Variants in AKT3 observed in about 807,000 individuals in gnomAD.
The protein encoded by AKT3 is RAC-gamma serine/threonine-protein kinase.
A neutral mutation model predicts 65.3 loss-of-function variants in AKT3; 15 were observed. That is an observed-to-expected ratio of 0.23 (90% CI 0.15 to 0.35). The LOEUF is 0.35. AKT3 is among the 10% of genes least tolerant of loss of function. AKT3 has a pLI of 1.00. For missense variants in AKT3, 243 were observed against 576.5 expected, an observed-to-expected ratio of 0.42 and a Z score of 5.92; for synonymous variants, 206 against 183.8, an observed-to-expected ratio of 1.12 and a Z score of -0.98.
At chr1:243,691,508 G>T (rs1012095321) in intron 3 of AKT3, among the ~76,000 whole-genome samples, 1 of 152,114 alleles carries the variant, frequency 6.6e-6, no homozygotes, top group Non-Finnish European at 1.5e-5. Context: ...CAGCAGATAT[G>T]ATGAGGCCTC....
intron 3 of AKT3, among the ~76,000 whole-genome samples, chr1:243,681,246 CAT>C (rs752529178): frequency 2.0e-4 from 31 of 152,088 alleles, no homozygotes; most frequent in African/African-American, 6.0e-4. Flanking sequence ...TATGTATGTA[CAT>C]ATATATATGT....
chr1:243,555,431 C>T (rs907221077), intron 10 of AKT3, among the ~76,000 whole-genome samples: 3 of 152,162 alleles, frequency 2.0e-5, no homozygotes, highest in Non-Finnish European at 4.4e-5. Context: ...AAACACAATA[C>T]TTTCAAATAC....
At chr1:243,841,600 G>C (rs1053726368) in intron 2 of AKT3, among the ~76,000 whole-genome samples, 4 of 152,004 alleles carry the variant, frequency 2.6e-5, no homozygotes, top group Admixed American at 1.3e-4. Context: ...AAAACAGCTG[G>C]GCAGTTTGTT....
Position 243,779,364 on chromosome 1 carries a change from A to G in AKT3, c.46+63761T>C, listed in dbSNP as rs866399169. On this transcript the variant is annotated intron_variant, in intron 2 of 13. Transcript: ENST00000673466. Reference sequence around the variant, plus strand: ...GATTCTCCTCCAGCAATACCTGAGCAGTGACAATGCCTGGTTTTCCAGAGC... The same window carrying G: ...GATTCTCCTCCAGCAATACCTGAGCGGTGACAATGCCTGGTTTTCCAGAGC... Among the ~76,000 whole-genome samples the G allele has an allele frequency of 2.0e-5, 3 of 151,766 alleles. No homozygotes were observed. In the East Asian group the frequency reaches 5.8e-4, roughly 29 times the overall value.
chr1:243,719,990 G>C (rs774310790), intron 2 of AKT3, among the ~76,000 whole-genome samples: 3 of 152,316 alleles, frequency 2.0e-5, no homozygotes, highest in South Asian at 2.1e-4. Context: ...TGTTAAGAGA[G>C]AGACATAAGA....
intron 2 of AKT3, among the ~76,000 whole-genome samples, chr1:243,793,763 A>T (rs1483542127): frequency 7.2e-6 from 1 of 138,186 alleles, no homozygotes; most frequent in Non-Finnish European, 1.6e-5. Context: ...TCAACAACAG[A>T]GCAAAACTGT....
intron 2 of AKT3, among the ~76,000 whole-genome samples, chr1:243,819,178 T>C (rs1482915126): frequency 2.6e-5 from 4 of 152,152 alleles, no homozygotes; most frequent in African/African-American, 9.7e-5. Flanking sequence ...CTGCCTGCTG[T>C]CCAAGACGAC....
chr1:243,685,181 C>G (rs1035947406), intron 3 of AKT3, among the ~76,000 whole-genome samples: 3 of 152,114 alleles, frequency 2.0e-5, no homozygotes, highest in African/African-American at 7.2e-5. Context: ...TCAATTTTGG[C>G]TTTTGTTGCC....
At chr1:243,716,729 A>G (rs1331189397) in intron 2 of AKT3, among the ~76,000 whole-genome samples, 1 of 152,196 alleles carries the variant, frequency 6.6e-6, no homozygotes, top group Non-Finnish European at 1.5e-5. Flanking sequence ...ATGTTGTGGA[A>G]AAAAGAACGA....
chr1:243,775,456 G>C (rs956599804), intron 2 of AKT3, among the ~76,000 whole-genome samples: 7 of 152,050 alleles, frequency 4.6e-5, no homozygotes, highest in Non-Finnish European at 7.4e-5. Context: ...CTGGGATTAC[G>C]GGCATGAGCC....
chr1:243,580,457 G>A (rs1229967510), intron 8 of AKT3, among the ~76,000 whole-genome samples: 1 of 152,184 alleles, frequency 6.6e-6, no homozygotes, highest in Non-Finnish European at 1.5e-5. Context: ...TTAAATTTGG[G>A]CACATAAAAA....
chr1:243,757,218 G>A (rs1689193708), intron 2 of AKT3, among the ~76,000 whole-genome samples: 2 of 152,184 alleles, frequency 1.3e-5, no homozygotes, highest in Admixed American at 1.3e-4. Context: ...TTAATATCTT[G>A]CTTTAATAGT....
chr1:243,711,155 C>A (rs1325634175), intron 2 of AKT3, among the ~76,000 whole-genome samples: 1 of 152,080 alleles, frequency 6.6e-6, no homozygotes, highest in Non-Finnish European at 1.5e-5. Context: ...CCCGTCTCTA[C>A]TAAAAATACA....
intron 3 of AKT3, among the ~76,000 whole-genome samples, chr1:243,675,870 C>G (rs923234121): frequency 5.9e-5 from 9 of 152,108 alleles, no homozygotes; most frequent in African/African-American, 2.2e-4. Context: ...CAGACCTTTA[C>G]CTTCCAAAGG....
intron 6 of AKT3, among the ~76,000 whole-genome samples, chr1:243,628,542 C>A (rs763643752): frequency 3.3e-5 from 5 of 152,146 alleles, no homozygotes; most frequent in Non-Finnish European, 7.4e-5. Context: ...TGGACTCATG[C>A]GATTCTCCTG....
intron 10 of AKT3, 87 bp downstream of exon 10, chr1:243,563,633 A>T: frequency 6.8e-7 from 1 of 1,473,580 alleles, no homozygotes; most frequent in Non-Finnish European, 9.0e-7. Context: ...AGTAGTAGAT[A>T]CTACAGTTAA....
intron 6 of AKT3, among the ~76,000 whole-genome samples, chr1:243,627,060 G>T (rs1457932699): frequency 6.6e-6 from 1 of 152,222 alleles, no homozygotes; most frequent in Admixed American, 6.5e-5. Flanking sequence ...TTACCAACAA[G>T]TTCTGTGTCG....
chr1:243,696,812 C>T (rs990622634), intron 2 of AKT3, among the ~76,000 whole-genome samples: 3 of 151,970 alleles, frequency 2.0e-5, no homozygotes, highest in African/African-American at 7.2e-5. Flanking sequence ...CCCCACTCTA[C>T]ACATTCCCCA....
At chr1:243,667,330 C>T (rs906886151) in intron 3 of AKT3, among the ~76,000 whole-genome samples, 4 of 152,074 alleles carry the variant, frequency 2.6e-5, no homozygotes, top group Admixed American at 6.5e-5. Context: ...TGAACATGTC[C>T]GAACGTGAAC....
Sources: allele counts gnomAD v4.1 joint callset (sites outside exome capture counted in the v4.1 genomes callset), GRCh38; gene constraint gnomAD v4.1.1; transcripts MANE v1.5; gene names NCBI Gene and HGNC (gene_info 2026-07-23, HGNC 2026-07-21).